Variants in CDH10 observed in about 807,000 individuals in gnomAD.
CDH10 encodes cadherin 10.
A neutral mutation model predicts 73.1 loss-of-function variants in CDH10; 30 were observed. That is an observed-to-expected ratio of 0.41 (90% CI 0.31 to 0.56). CDH10 has a LOEUF of 0.56. Among genes scored for constraint, CDH10 ranks in the 20% least tolerant of loss-of-function variants. The probability of loss-of-function intolerance (pLI) is 0.27; values close to 1 mark genes in which losing one functional copy is unlikely to be tolerated. For missense variants in CDH10, 815 were observed against 973.7 expected (o/e 0.84, Z 2.17); for synonymous variants, 345 against 348.2 (o/e 0.99, Z 0.10).
rs1346536203 is a variant in CDH10, at chr5:24,537,691, A to G, written c.232-17T>C. Reference sequence around the variant, plus strand: ...TGAATGTAGCTAGGGGAAATAAAAAAGAGTATATCCATGATCATGTATAAA... The same window carrying G: ...TGAATGTAGCTAGGGGAAATAAAAAGGAGTATATCCATGATCATGTATAAA... On this transcript the variant is annotated splice_polypyrimidine_tract_variant and intron_variant, in intron 2 of 11. Coordinates refer to ENST00000264463, the MANE Select transcript of CDH10 (RefSeq NM_006727.5). The G allele has an allele frequency of 6.6e-7, 1 of 1,506,438 alleles. No homozygotes were observed. The highest frequency in any genetic ancestry group is 1.4e-5 in the African/African-American group (1 of 71,880). 93.3% of individuals were successfully genotyped at this position (1,506,438 alleles called of 1,614,324 possible). A position where few individuals can be genotyped will look rare whatever the true frequency, so the allele number is the denominator to read the frequency against.
At chr5:24,593,145 A>G in intron 2 of CDH10, 115 bp downstream of exon 2, 1 of 631,702 alleles carries the variant, frequency 1.6e-6, no homozygotes, top group Non-Finnish European at 2.8e-6. Flanking sequence ...AAAATCCTTT[A>G]GGGAGATTTA....
intron 9 of CDH10, among the ~76,000 whole-genome samples, chr5:24,497,889 A>G (rs996592218): frequency 6.6e-6 from 1 of 152,244 alleles, no homozygotes; most frequent in South Asian, 2.1e-4. Context: ...TAAGCACTTC[A>G]TATGCTGCTG....
At chr5:24,615,107 C>T (rs891457476) in intron 1 of CDH10, among the ~76,000 whole-genome samples, 5 of 152,144 alleles carry the variant, frequency 3.3e-5, no homozygotes, top group Non-Finnish European at 5.9e-5. Flanking sequence ...ATACTGTTCT[C>T]GCCTGTTTCT....
intron 5 of CDH10, among the ~76,000 whole-genome samples, chr5:24,522,383 T>C (rs1743368835): frequency 6.6e-6 from 1 of 152,070 alleles, no homozygotes; most frequent in Admixed American, 6.6e-5. Flanking sequence ...TCCCTTTGGA[T>C]CTTTTTAAGA....
intron 1 of CDH10, among the ~76,000 whole-genome samples, chr5:24,598,292 C>T (rs904631992): frequency 6.6e-6 from 1 of 151,816 alleles, no homozygotes; most frequent in Non-Finnish European, 1.5e-5. Context: ...TTACACATTA[C>T]CTACTGTGCT....
intron 5 of CDH10, among the ~76,000 whole-genome samples, chr5:24,523,239 A>G (rs1039106560): frequency 5.9e-5 from 9 of 152,154 alleles, no homozygotes; most frequent in African/African-American, 2.2e-4. Context: ...TACTAGTTAG[A>G]AAATTGTAGC....
chr5:24,579,664 G>A lies in CDH10; in HGVS notation c.231+13596C>T, dbSNP rs144749729. On this transcript the variant is annotated intron_variant, in intron 2 of 11. Transcript: ENST00000264463. Reference sequence around the variant, plus strand: ...CTTAGCAGCAGCTTTTGACAAGGTTGACACATTCTCTTCTCCTTACATTTT... The same window carrying A: ...CTTAGCAGCAGCTTTTGACAAGGTTAACACATTCTCTTCTCCTTACATTTT... Among the ~76,000 whole-genome samples, 462 of 152,210 alleles carry A rather than the reference G, an allele frequency of 3.0e-3. 1 individual carries two copies. Among genetic ancestry groups the A allele is most frequent in the Middle Eastern group, 0.01 (3 of 294 alleles).
intron 2 of CDH10, among the ~76,000 whole-genome samples, chr5:24,588,792 A>G (rs1419787726): frequency 6.6e-6 from 1 of 152,204 alleles, no homozygotes; most frequent in East Asian, 1.9e-4. Context: ...TTCAATTATA[A>G]TTTCCTTATG....
chr5:24,584,744 C>T (rs1006729435), intron 2 of CDH10, among the ~76,000 whole-genome samples: 9 of 152,034 alleles, frequency 5.9e-5, no homozygotes, highest in African/African-American at 2.2e-4. Context: ...GCTGGGATTA[C>T]AGGTGTGAGC....
At chr5:24,624,981 C>A (rs1747445578) in intron 1 of CDH10, among the ~76,000 whole-genome samples, 1 of 152,094 alleles carries the variant, frequency 6.6e-6, no homozygotes, top group Non-Finnish European at 1.5e-5. Context: ...TCTATTAAAT[C>A]ATGAAGAAGG....
At chr5:24,541,803 T>A (rs1293262959) in intron 2 of CDH10, among the ~76,000 whole-genome samples, 1 of 152,062 alleles carries the variant, frequency 6.6e-6, no homozygotes, top group Non-Finnish European at 1.5e-5. Flanking sequence ...TATTAAAAAT[T>A]CACAACCTGC....
intron 1 of CDH10, among the ~76,000 whole-genome samples, chr5:24,640,500 A>G (rs889947097): frequency 2.0e-5 from 3 of 151,506 alleles, no homozygotes; most frequent in African/African-American, 7.3e-5. Context: ...TCATCACATC[A>G]TATAGAGTAT....
chr5:24,564,801 C>T (rs117457177), intron 2 of CDH10, among the ~76,000 whole-genome samples: 1 of 152,250 alleles, frequency 6.6e-6, no homozygotes, highest in East Asian at 1.9e-4. Flanking sequence ...TGTAACAAAT[C>T]TCCCATGTCT....
intron 1 of CDH10, among the ~76,000 whole-genome samples, chr5:24,643,206 C>A (rs1168118139): frequency 2.0e-5 from 3 of 151,978 alleles, no homozygotes; most frequent in African/African-American, 4.8e-5. Context: ...ATTATCTATG[C>A]GACTTAGCAT....
rs867597685 is a variant in CDH10, at chr5:24,487,891, G to A, written c.2139C>T (p.Phe713=). 1 of 1,613,920 alleles carries A rather than the reference G, an allele frequency of 6.2e-7. No individual in the cohort carries two copies. The part of the protein sequence containing the change: ...TAPDNTDVRD[F]INERLKEHDL... Reference sequence around the variant, plus strand: ...CATGCTCTTTTAGCCTTTCATTAATGAAATCCCGGACGTCCGTGTTATCTG... The same window carrying A: ...CATGCTCTTTTAGCCTTTCATTAATAAAATCCCGGACGTCCGTGTTATCTG... The change falls in exon 12 of 12, where the codon TTC becomes TTT. Residue 713 remains phenylalanine, a synonymous_variant. Transcript: ENST00000264463.
intron 1 of CDH10, among the ~76,000 whole-genome samples, chr5:24,637,597 TC>T (rs1561209139): frequency 6.6e-6 from 1 of 151,770 alleles, no homozygotes; most frequent in South Asian, 2.1e-4. Flanking sequence ...CACAGTAACT[TC>T]CCCCAAAATG....
At chr5:24,562,039 C>T (rs1409094414) in intron 2 of CDH10, among the ~76,000 whole-genome samples, 4 of 151,628 alleles carry the variant, frequency 2.6e-5, no homozygotes, top group Non-Finnish European at 5.9e-5. Flanking sequence ...TTGCTGGATG[C>T]ATATAATAAA....
intron 1 of CDH10, among the ~76,000 whole-genome samples, chr5:24,602,681 A>C (rs1313212414): frequency 1.3e-5 from 2 of 152,198 alleles, no homozygotes; most frequent in East Asian, 3.8e-4. Flanking sequence ...GACTGAGTTA[A>C]TCAAAGAAAA....
intron 2 of CDH10, chr5:24,578,152 T>A (rs188181099): frequency 6.2e-6 from 1 of 161,578 alleles, no homozygotes; most frequent in East Asian, 1.9e-4. Context: ...TTTCATAAAA[T>A]AGGTGTCCAA....
Sources: gnomAD v4.1 joint callset for allele counts (sites outside exome capture counted in the v4.1 genomes callset) on GRCh38, gnomAD v4.1.1 for gene constraint, MANE v1.5 for transcripts, NCBI Gene and HGNC (gene_info 2026-07-23, HGNC 2026-07-21) for gene names.